Variants in RPN2 observed in about 807,000 individuals in gnomAD.
The protein encoded by RPN2 is dolichyl-diphosphooligosaccharide--protein glycosyltransferase subunit 2.
In RPN2, 29 loss-of-function variants were observed where a neutral mutation model predicts 71.4. That is an observed-to-expected ratio of 0.41 (90% CI 0.30 to 0.55). The LOEUF (loss-of-function observed/expected upper bound fraction) is 0.55. Ranked by LOEUF, RPN2 falls within the 20% of genes least tolerant of loss-of-function variation. The pLI, the probability that RPN2 is intolerant of heterozygous loss-of-function variation, is 0.35. For missense variants in RPN2, 726 were observed against 774.1 expected, an observed-to-expected ratio of 0.94 and a Z score of 0.74; for synonymous variants, 308 against 305.0, an observed-to-expected ratio of 1.01 and a Z score of -0.10.
At chr20:37,221,195 C>CTT (rs1176292055) in intron 9 of RPN2, among the ~76,000 whole-genome samples, 190 of 135,200 alleles carry the variant, frequency 1.4e-3, no homozygotes, top group Non-Finnish European at 1.8e-3. Flanking sequence ...TTACACAATT[C>CTT]TTTTTTTTTT....
At chr20:37,209,199 G>A (rs2067594702) in intron 7 of RPN2, among the ~76,000 whole-genome samples, 1 of 152,234 alleles carries the variant, frequency 6.6e-6, no homozygotes, top group South Asian at 2.1e-4. Context: ...GAGAATGTAT[G>A]TAAAGGGCCT....
chr20:37,196,912 A>T (rs965407648), intron 2 of RPN2, among the ~76,000 whole-genome samples: 1 of 152,112 alleles, frequency 6.6e-6, no homozygotes, highest in Non-Finnish European at 1.5e-5. Context: ...GGGAACTAGT[A>T]AGTGCAGTGT....
chr20:37,235,602 TA>T (rs1391308671), intron 15 of RPN2, among the ~76,000 whole-genome samples: 3 of 152,142 alleles, frequency 2.0e-5, no homozygotes, highest in African/African-American at 2.4e-5. Flanking sequence ...TTTCCCCCCA[TA>T]AAAAAAGAAA....
intron 2 of RPN2, among the ~76,000 whole-genome samples, chr20:37,186,391 T>C (rs2067010800): frequency 6.6e-6 from 1 of 152,248 alleles, no homozygotes; most frequent in Non-Finnish European, 1.5e-5. Flanking sequence ...GTAGGGACTT[T>C]AGGCATACAC....
chr20:37,206,732 A>G (rs1268430871), intron 6 of RPN2, among the ~76,000 whole-genome samples: 2 of 151,946 alleles, frequency 1.3e-5, no homozygotes, highest in Admixed American at 6.6e-5. Flanking sequence ...TTTTTCAGAC[A>G]GAGTCTTTCT....
At chr20:37,200,299 T>A (rs574922315) in intron 4 of RPN2, 1 of 305,968 alleles carries the variant, frequency 3.3e-6, no homozygotes, top group South Asian at 2.9e-5. Flanking sequence ...GCCCAGCTAA[T>A]TTTTTTAGTT....
chr20:37,201,207 C>A (rs1310804325), intron 4 of RPN2, among the ~76,000 whole-genome samples: 2 of 150,518 alleles, frequency 1.3e-5, no homozygotes, highest in African/African-American at 4.9e-5. Context: ...TGTTAGGTCC[C>A]TAACAAACAG....
At chr20:37,198,944 G>A in intron 3 of RPN2, 106 bp from the exon 4 acceptor site, 2 of 897,242 alleles carry the variant, frequency 2.2e-6, no homozygotes, top group African/African-American at 1.6e-5. Flanking sequence ...GAGCATGTGC[G>A]AGGCGGAGGT....
intron 2 of RPN2, among the ~76,000 whole-genome samples, chr20:37,194,214 G>C (rs996234302): frequency 1.3e-5 from 2 of 151,978 alleles, no homozygotes; most frequent in Non-Finnish European, 2.9e-5. Context: ...TGTGTGGGAA[G>C]AGAGAAGGTG....
intron 15 of RPN2, 137 bp downstream of exon 15, chr20:37,234,232 C>A: frequency 1.2e-6 from 1 of 865,648 alleles, no homozygotes; most frequent in Non-Finnish European, 1.9e-6. Flanking sequence ...TCCTCCTGGC[C>A]TTTTAGGACA....
At chr20:37,200,479 C>T (rs772927255) in intron 4 of RPN2, 19 of 532,924 alleles carry the variant, frequency 3.6e-5, no homozygotes, top group Admixed American at 2.1e-4. Context: ...GAATCCCGTT[C>T]GTTGTTTAGC....
intron 2 of RPN2, among the ~76,000 whole-genome samples, chr20:37,196,058 C>T (rs1170505131): frequency 3.3e-5 from 5 of 151,950 alleles, no homozygotes; most frequent in African/African-American, 4.8e-5. Context: ...AGGAGCACCC[C>T]GCGCTTTTTT....
chr20:37,229,793 A>G (rs745477470), intron 12 of RPN2, 180 bp from the exon 13 acceptor site: 1 of 653,796 alleles, frequency 1.5e-6, no homozygotes, highest in South Asian at 1.7e-5. Context: ...TTCAGCAAAT[A>G]CTTGTTTTGT....
chr20:37,211,787 C>T (rs1015219538), intron 8 of RPN2, among the ~76,000 whole-genome samples: 1 of 150,872 alleles, frequency 6.6e-6, no homozygotes, highest in Non-Finnish European at 1.5e-5. Flanking sequence ...GGCTGGAGTG[C>T]AGTGTAGTGG....
chr20:37,207,420 T>G lies in RPN2; in HGVS notation c.838T>G (p.Ser280Ala), dbSNP rs775597399. ...PVVVVPEGSA[S>A]DTHEQAILRL... ...TGTGGTTGTGCCTGAGGGCTCTGCTTCCGACACTCATGAACAGGCTATCTT... is the reference window on the plus strand; with the variant it reads ...TGTGGTTGTGCCTGAGGGCTCTGCTGCCGACACTCATGAACAGGCTATCTT... The change falls in exon 7 of 17, where the codon TCC (serine) becomes GCC (alanine). Residue 280 changes from serine to alanine, a missense_variant. Coordinates refer to ENST00000237530, the MANE Select transcript of RPN2 (RefSeq NM_002951.5). 4 of 1,614,198 alleles carry G rather than the reference T, an allele frequency of 2.5e-6. No individual in the cohort carries two copies. The highest frequency in any genetic ancestry group is 2.5e-6 in the Non-Finnish European group (3 of 1,180,034).
chr20:37,203,806 A>G, intron 4 of RPN2, 79 bp from the exon 5 acceptor site: 1 of 981,324 alleles, frequency 1.0e-6, no homozygotes, highest in Non-Finnish European at 1.6e-6. Flanking sequence ...GATATTTGTG[A>G]AAGTGTCCAA....
intron 11 of RPN2, among the ~76,000 whole-genome samples, chr20:37,226,365 C>T (rs116495373): frequency 1.5e-4 from 23 of 152,218 alleles, no homozygotes; most frequent in Admixed American, 4.6e-4. Flanking sequence ...GCACTAGACT[C>T]GAGGCTTTTT....
Position 37,196,386 on chromosome 20 carries a change from C to T in RPN2, c.208-2011C>T, listed in dbSNP as rs980054435. On this transcript the variant is annotated intron_variant, in intron 2 of 16. Transcript: ENST00000237530. The stretch of plus-strand genomic sequence containing the variant: ...CTGGGACTACAGGTGCCCACCACCA[C>T]GCCCAGCTAATTTTGTTTTTGTGTT... Among the ~76,000 whole-genome samples, 7 of 152,192 alleles carry T rather than the reference C, an allele frequency of 4.6e-5. No individual in the cohort carries two copies. The East Asian group carries it at 7.7e-4, about 17-fold the overall frequency.
intron 9 of RPN2, among the ~76,000 whole-genome samples, chr20:37,221,545 ATCTT>A (rs753796599): frequency 3.3e-5 from 5 of 152,190 alleles, no homozygotes; most frequent in Non-Finnish European, 4.4e-5. Context: ...ATATGCATGT[ATCTT>A]TCTTTATTTA....
Sources: allele counts gnomAD v4.1 joint callset (sites outside exome capture counted in the v4.1 genomes callset), GRCh38; gene constraint gnomAD v4.1.1; transcripts MANE v1.5; gene names NCBI Gene and HGNC (gene_info 2026-07-23, HGNC 2026-07-21).